Variants in INPP4B observed in about 807,000 individuals in gnomAD.
INPP4B encodes inositol polyphosphate 4-phosphatase type II.
A neutral mutation model predicts 122.5 loss-of-function variants in INPP4B; 55 were observed. The observed-to-expected ratio is 0.45, with a 90% CI of 0.36 to 0.56. The LOEUF is 0.56. INPP4B is among the 20% of genes least tolerant of loss of function. The pLI, the probability that INPP4B is intolerant of heterozygous loss-of-function variation, is 0.00. For synonymous variants in INPP4B, 403 were observed against 388.7 expected (o/e 1.04, Z -0.43); for missense variants, 1,000 against 1,097.7 (o/e 0.91, Z 1.26).
chr4:142,034,213 C>A (rs939079199), intron 25 of INPP4B, among the ~76,000 whole-genome samples: 1 of 152,138 alleles, frequency 6.6e-6, no homozygotes, highest in African/African-American at 2.4e-5. Flanking sequence ...CAGTAGTTTA[C>A]AACCAAGTGA....
At chr4:142,775,041 T>G (rs1773644707) in intron 1 of INPP4B, among the ~76,000 whole-genome samples, 1 of 152,110 alleles carries the variant, frequency 6.6e-6, no homozygotes. Flanking sequence ...TTGTAGAATG[T>G]CTTTCAACAG....
chr4:142,292,690 T>A (rs189359842), intron 9 of INPP4B, among the ~76,000 whole-genome samples: 1 of 152,224 alleles, frequency 6.6e-6, no homozygotes, highest in Non-Finnish European at 1.5e-5. Context: ...GATTAGACCA[T>A]GTTTATTATG....
At chr4:142,334,184 T>A (rs1437231361) in intron 7 of INPP4B, among the ~76,000 whole-genome samples, 1 of 152,192 alleles carries the variant, frequency 6.6e-6, no homozygotes, top group Admixed American at 6.5e-5. Context: ...AATGACAGAA[T>A]TTCTTACTTT....
At chr4:142,752,764 AACAAAGGAAGACCAGATGTGTCTTCTTT>A (rs1293950443) in intron 1 of INPP4B, among the ~76,000 whole-genome samples, 1 of 152,038 alleles carries the variant, frequency 6.6e-6, no homozygotes, top group African/African-American at 2.4e-5. Flanking sequence ...TAAATTCCCC[AACAAAGGAAGACCAGATGTGTCTTCTTT>A]ATCAGCCACA....
intron 1 of INPP4B, among the ~76,000 whole-genome samples, chr4:142,742,663 A>G (rs1409022761): frequency 6.6e-6 from 1 of 152,010 alleles, no homozygotes; most frequent in African/African-American, 2.4e-5. Context: ...GTTTACAACC[A>G]AATGACCCAT....
At chr4:142,099,582 A>G (rs1371926842) in intron 23 of INPP4B, among the ~76,000 whole-genome samples, 1 of 152,120 alleles carries the variant, frequency 6.6e-6, no homozygotes, top group African/African-American at 2.4e-5. Flanking sequence ...AAATCTTTGT[A>G]TCTTCTTATA....
At chr4:142,062,831 C>T (rs1761737236) in intron 25 of INPP4B, among the ~76,000 whole-genome samples, 1 of 152,148 alleles carries the variant, frequency 6.6e-6, no homozygotes, top group African/African-American at 2.4e-5. Context: ...ACATAAGACA[C>T]TGTGAAGTTC....
intron 7 of INPP4B, among the ~76,000 whole-genome samples, chr4:142,328,312 A>G (rs191715617): frequency 6.6e-6 from 1 of 151,624 alleles, no homozygotes; most frequent in Non-Finnish European, 1.5e-5. Flanking sequence ...AACTAACTAC[A>G]TACTGAAACC....
chr4:142,294,807 G>C (rs1162553039), intron 9 of INPP4B, among the ~76,000 whole-genome samples: 1 of 102,578 alleles, frequency 9.7e-6, no homozygotes, highest in Non-Finnish European at 2.0e-5. Flanking sequence ...TCCAGCCCGG[G>C]CGACAGAGCG....
intron 3 of INPP4B, among the ~76,000 whole-genome samples, chr4:142,444,715 T>C (rs1236213343): frequency 6.6e-6 from 1 of 152,166 alleles, no homozygotes; most frequent in Non-Finnish European, 1.5e-5. Context: ...ACATGTATGT[T>C]TACTGCAGCA....
intron 18 of INPP4B, among the ~76,000 whole-genome samples, chr4:142,128,052 A>G (rs1415836342): frequency 6.6e-6 from 1 of 152,092 alleles, no homozygotes; most frequent in East Asian, 1.9e-4. Flanking sequence ...TTTGGGGAAA[A>G]TTAAAAAAAA....
chr4:142,211,284 TAAAGA>T (rs1844772118), intron 12 of INPP4B, among the ~76,000 whole-genome samples: 1 of 152,110 alleles, frequency 6.6e-6, no homozygotes. Context: ...TTCATTAAAG[TAAAGA>T]AGAGGTACAT....
At chr4:142,643,972 A>G (rs571720861) in intron 2 of INPP4B, among the ~76,000 whole-genome samples, 1 of 152,120 alleles carries the variant, frequency 6.6e-6, no homozygotes, top group East Asian at 1.9e-4. Context: ...AGGCTGAGGC[A>G]GGAGGATCAT....
chr4:142,090,690 T>G (rs1425870991), intron 23 of INPP4B, among the ~76,000 whole-genome samples: 2 of 144,668 alleles, frequency 1.4e-5, no homozygotes, highest in African/African-American at 2.4e-5. Flanking sequence ...TCTATGCATA[T>G]CTCCATAATA....
Position 142,042,546 on chromosome 4 carries a change from GTATGTATGTATGTATTTATT to G in INPP4B, c.2643-13652_2643-13633del, listed in dbSNP as rs1278961811. On this transcript the variant is annotated intron_variant, in intron 25 of 25. Coordinates refer to ENST00000262992, the MANE Select transcript of INPP4B (RefSeq NM_001101669.3). ...TGTATGTATGTATGTATGTATGTAT[GTATGTATGTATGTATTTATT>G]TATTTATTTATTTTTAGACAGAGTC... 1.2e-3 allele frequency among the ~76,000 whole-genome samples: 40 copies of G among 32,650 alleles called. No individual in the cohort carries two copies. The South Asian group carries it at 0.015, about 13-fold the overall frequency. The allele number at this position is 32,650 out of a possible 152,430, so 21.4% of individuals were successfully genotyped here.
At chr4:142,102,460 C>CTTTTT (rs35404733) in intron 23 of INPP4B, among the ~76,000 whole-genome samples, 1 of 99,690 alleles carries the variant, frequency 1.0e-5, no homozygotes, top group African/African-American at 3.4e-5. Flanking sequence ...TGAACAAAGT[C>CTTTTT]TTTTTTTTTT....
chr4:142,805,083 A>G (rs1778518202), intron 1 of INPP4B, among the ~76,000 whole-genome samples: 1 of 152,264 alleles, frequency 6.6e-6, no homozygotes, highest in Admixed American at 6.5e-5. Flanking sequence ...CCGAATGGTT[A>G]TATTAATAAA....
Position 142,673,878 on chromosome 4 carries a change from G to A in INPP4B, c.-191+51961C>T, listed in dbSNP as rs546296994. ...ATTACTATGTAAAGCAAGTGAATCT[G>A]GGTGGACCCATGATACAGCACCTAG... On this transcript the variant is annotated intron_variant, in intron 2 of 25. Transcript: ENST00000262992. 1.5e-4 allele frequency among the ~76,000 whole-genome samples: 23 copies of A among 152,252 alleles called. No individual in the cohort carries two copies. In the South Asian group the frequency reaches 4.8e-3, roughly 32 times the overall value.
At chr4:142,361,689 T>C (rs1277850051) in intron 7 of INPP4B, among the ~76,000 whole-genome samples, 2 of 151,980 alleles carry the variant, frequency 1.3e-5, no homozygotes, top group Non-Finnish European at 2.9e-5. Context: ...TTTGTAATTA[T>C]ATCATGTATT....
Sources: gnomAD v4.1 joint callset for allele counts (sites outside exome capture counted in the v4.1 genomes callset) on GRCh38, gnomAD v4.1.1 for gene constraint, MANE v1.5 for transcripts, NCBI Gene and HGNC (gene_info 2026-07-23, HGNC 2026-07-21) for gene names.